The following IGSF11 variants were observed in gnomAD, a reference collection of about 807,000 sequenced individuals.
The protein encoded by IGSF11 is CXADR like 1.
A neutral mutation model predicts 41.0 loss-of-function variants in IGSF11; 22 were observed. That is an observed-to-expected ratio of 0.54 (90% CI 0.38 to 0.77). The LOEUF (loss-of-function observed/expected upper bound fraction) is 0.77. Ranked by LOEUF, IGSF11 falls within the 30% of genes least tolerant of loss-of-function variation. The pLI is 0.00. For missense variants in IGSF11, 444 were observed against 530.8 expected (o/e 0.84, Z 1.61); for synonymous variants, 219 against 201.3 (o/e 1.09, Z -0.74).
chr3:118,939,571 G>A (rs1291305139), intron 1 of IGSF11, among the ~76,000 whole-genome samples: 19 of 115,270 alleles, frequency 1.6e-4, no homozygotes, highest in African/African-American at 3.9e-4. Flanking sequence ...GCAAGACTCC[G>A]TCTCAAAAAA....
chr3:119,046,305 T>G lies in IGSF11; in HGVS notation c.49+58839A>C, dbSNP rs1329189765. Among the ~76,000 whole-genome samples the G allele has an allele frequency of 6.6e-5, 10 of 151,520 alleles. 1 individual carries two copies. The highest frequency in any genetic ancestry group is 2.4e-4 in the African/African-American group (10 of 41,214). ...AATACAGAGAAGTGCTTAAAGGAGC[T>G]GATGGAGCTGAAAACCAAGGCTCGA... is the stretch of plus-strand genomic sequence containing the variant. On this transcript the variant is annotated intron_variant, in intron 1 of 6. Coordinates refer to the IGSF11 transcript ENST00000354673.
chr3:119,057,642 C>G (rs569441317), intron 1 of IGSF11, among the ~76,000 whole-genome samples: 2 of 152,226 alleles, frequency 1.3e-5, no homozygotes, highest in East Asian at 3.9e-4. Flanking sequence ...CATGTGGAAC[C>G]AAAAAAGAAC....
intron 1 of IGSF11, among the ~76,000 whole-genome samples, chr3:119,005,740 T>C (rs1233853740): frequency 1.3e-3 from 126 of 98,738 alleles, no homozygotes; most frequent in South Asian, 1.5e-3. Flanking sequence ...TTTGGCTGGA[T>C]ATGAAATTCT....
intron 1 of IGSF11, among the ~76,000 whole-genome samples, chr3:119,133,710 A>T (rs538303046): frequency 1.6e-3 from 243 of 152,328 alleles, no homozygotes; most frequent in African/African-American, 5.7e-3. Flanking sequence ...ATCCTCCCTA[A>T]CTCATTTTAT....
At chr3:118,989,995 C>T (rs963195050) in intron 1 of IGSF11, among the ~76,000 whole-genome samples, 4 of 152,052 alleles carry the variant, frequency 2.6e-5, no homozygotes, top group Admixed American at 1.3e-4. Flanking sequence ...TCTGCAAAGG[C>T]TCGGGGTCAT....
intron 1 of IGSF11, among the ~76,000 whole-genome samples, chr3:119,016,210 G>A (rs1684185213): frequency 6.6e-6 from 1 of 152,184 alleles, no homozygotes; most frequent in South Asian, 2.1e-4. Context: ...AGGGAGAGAG[G>A]TGTGGCAGCC....
Position 118,916,400 on chromosome 3 carries a change from G to A in IGSF11, c.580+9701C>T, listed in dbSNP as rs1356476710. Among the ~76,000 whole-genome samples, 4 of 152,166 alleles carry A rather than the reference G, an allele frequency of 2.6e-5. 1 individual carries two copies. Among genetic ancestry groups the A allele is most frequent in the East Asian group, 1.9e-4 (1 of 5,180 alleles). On this transcript the variant is annotated intron_variant, in intron 4 of 6. Transcript: ENST00000393775. ...AGATACACATAGGCTCAAAATAAAA[G>A]GATGGAGGAAGATCTACCAAGCAAA...
At chr3:119,061,067 A>G (rs1942037092) in intron 1 of IGSF11, among the ~76,000 whole-genome samples, 2 of 152,206 alleles carry the variant, frequency 1.3e-5, no homozygotes, top group South Asian at 2.1e-4. Context: ...TGGTAACACA[A>G]TAAGGAAAAA....
chr3:119,113,881 G>A (rs544275946), intron 1 of IGSF11, among the ~76,000 whole-genome samples: 26 of 152,358 alleles, frequency 1.7e-4, no homozygotes, highest in African/African-American at 3.6e-4. Context: ...AAATCTAAGC[G>A]GAGGTTCCCA....
chr3:118,935,337 T>TAG (rs1943174580), intron 1 of IGSF11, among the ~76,000 whole-genome samples: 1 of 140,294 alleles, frequency 7.1e-6, no homozygotes, highest in African/African-American at 2.6e-5. Context: ...CACCCTGAGA[T>TAG]ATATATATAT....
intron 4 of IGSF11, among the ~76,000 whole-genome samples, chr3:118,907,893 C>T (rs1412136027): frequency 6.6e-6 from 1 of 152,128 alleles, no homozygotes; most frequent in African/African-American, 2.4e-5. Flanking sequence ...ATTTCCTGAC[C>T]AATAAATGTT....
At chr3:118,913,316 A>G (rs1204582286) in intron 4 of IGSF11, among the ~76,000 whole-genome samples, 2 of 152,162 alleles carry the variant, frequency 1.3e-5, no homozygotes, top group Non-Finnish European at 2.9e-5. Context: ...CAATCTCTCA[A>G]TTTAAGAAGC....
chr3:119,139,457 G>C (rs1480771483), intron 1 of IGSF11, among the ~76,000 whole-genome samples: 1 of 152,166 alleles, frequency 6.6e-6, no homozygotes, highest in Non-Finnish European at 1.5e-5. Context: ...TGAATCACAG[G>C]GGTGGATCTT....
intron 4 of IGSF11, among the ~76,000 whole-genome samples, chr3:118,911,636 T>TA (rs996207652): frequency 1.3e-4 from 19 of 150,008 alleles, no homozygotes; most frequent in Admixed American, 8.0e-4. Context: ...ACTTTGTCTC[T>TA]AAAAAATGAG....
chr3:119,143,413 T>C (rs761616278), intron 1 of IGSF11, among the ~76,000 whole-genome samples: 6 of 152,294 alleles, frequency 3.9e-5, no homozygotes, highest in Non-Finnish European at 7.4e-5. Context: ...TAGGTTGTTA[T>C]AAGTTTAGGA....
chr3:119,068,153 G>A (rs1942289659), intron 1 of IGSF11, among the ~76,000 whole-genome samples: 2 of 152,170 alleles, frequency 1.3e-5, no homozygotes, highest in South Asian at 4.1e-4. Flanking sequence ...CATGTTCCAT[G>A]CTGGAGAAAG....
chr3:119,013,434 T>C (rs1287200608), intron 1 of IGSF11, among the ~76,000 whole-genome samples: 1 of 152,268 alleles, frequency 6.6e-6, no homozygotes, highest in Non-Finnish European at 1.5e-5. Context: ...TTTATGTCCC[T>C]GGATCCCTTT....
chr3:118,906,814 T>C (rs761792754), intron 4 of IGSF11, among the ~76,000 whole-genome samples: 19 of 152,226 alleles, frequency 1.2e-4, no homozygotes, highest in Non-Finnish European at 2.6e-4. Flanking sequence ...AGCTTTTATA[T>C]GTATTATTTC....
chr3:119,052,581 C>T (rs1941671167), intron 1 of IGSF11, among the ~76,000 whole-genome samples: 1 of 151,646 alleles, frequency 6.6e-6, no homozygotes, highest in Non-Finnish European at 1.5e-5. Flanking sequence ...GAATTGGTAC[C>T]AATACTAATG....
Sources: gnomAD v4.1 joint callset for allele counts (sites outside exome capture counted in the v4.1 genomes callset) on GRCh38, gnomAD v4.1.1 for gene constraint, MANE v1.5 for transcripts, NCBI Gene and HGNC (gene_info 2026-07-23, HGNC 2026-07-21) for gene names.